Variants in TINAG observed in about 807,000 individuals in gnomAD.
The protein encoded by TINAG is tubulointerstitial nephritis antigen.
In TINAG, 83 loss-of-function variants were observed where a neutral mutation model predicts 72.7. That is an observed-to-expected ratio of 1.14 (90% CI 0.96 to 1.37). The LOEUF (loss-of-function observed/expected upper bound fraction) is 1.37, where lower values mean the gene tolerates loss of function less well. TINAG is among the 40% of genes most tolerant of loss of function. The probability of loss-of-function intolerance (pLI) is 0.00; values close to 1 mark genes in which losing one functional copy is unlikely to be tolerated. For synonymous variants in TINAG, 234 were observed against 189.9 expected (o/e 1.23, Z -1.91); for missense variants, 685 against 576.6 (o/e 1.19, Z -1.93).
At chr6:54,312,761 G>C (rs1784287299) in intron 1 of TINAG, among the ~76,000 whole-genome samples, 2 of 152,102 alleles carry the variant, frequency 1.3e-5, no homozygotes, top group African/African-American at 4.8e-5. Context: ...AGCTACTCTT[G>C]AAAAATTGAA....
At chr6:54,350,504 G>T (rs1186160590) in intron 7 of TINAG, among the ~76,000 whole-genome samples, 1 of 151,440 alleles carries the variant, frequency 6.6e-6, no homozygotes, top group Non-Finnish European at 1.5e-5. Context: ...ATACACTCAT[G>T]TCCTGCCAGC....
chr6:54,321,297 C>A lies in TINAG; in HGVS notation c.420C>A (p.Cys140Ter). The change falls in exon 3 of 11, where the codon TGC becomes TGA. Residue 140 changes from cysteine to a stop codon, truncating the protein, a stop_gained and splice_region_variant. Coordinates refer to ENST00000259782, the MANE Select transcript of TINAG (RefSeq NM_014464.4). LOFTEE classifies it high-confidence loss of function. ...TTTTGTAATTGTCATATCTTTGCAGCACATGCTCAGGACAGCAATGGAAAT... is the reference window on the plus strand; with the variant it reads ...TTTTGTAATTGTCATATCTTTGCAGAACATGCTCAGGACAGCAATGGAAAT... ...GSVIKENCNS[C>*]TCSGQQWKCS... The A allele has an allele frequency of 6.2e-7, 1 of 1,612,968 alleles. No individual in the cohort carries two copies. The highest frequency in any genetic ancestry group is 8.5e-7 in the Non-Finnish European group (1 of 1,179,268).
intron 4 of TINAG, among the ~76,000 whole-genome samples, chr6:54,331,092 C>T (rs1352916551): frequency 6.6e-6 from 1 of 152,154 alleles, no homozygotes; most frequent in Non-Finnish European, 1.5e-5. Flanking sequence ...AGTGACTCCT[C>T]CCTAACTCAT....
intron 9 of TINAG, among the ~76,000 whole-genome samples, chr6:54,365,181 T>C (rs1763370312): frequency 6.6e-6 from 1 of 151,548 alleles, no homozygotes; most frequent in Non-Finnish European, 1.5e-5. Flanking sequence ...ATTTAGCAAA[T>C]GCAAATAAAT....
chr6:54,386,089 C>T (rs1404758611), intron 10 of TINAG, among the ~76,000 whole-genome samples: 1 of 151,834 alleles, frequency 6.6e-6, no homozygotes, highest in Non-Finnish European at 1.5e-5. Flanking sequence ...ACGGGTTTCG[C>T]CATGTCGCCC....
At chr6:54,323,969 A>G (rs573103662) in intron 3 of TINAG, among the ~76,000 whole-genome samples, 4 of 152,212 alleles carry the variant, frequency 2.6e-5, no homozygotes, top group Admixed American at 6.5e-5. Flanking sequence ...AAACAAAAAA[A>G]CAAATAATTT....
At chr6:54,389,382 T>G (rs62412617) in intron 10 of TINAG, among the ~76,000 whole-genome samples, 9 of 152,186 alleles carry the variant, frequency 5.9e-5, no homozygotes, top group Non-Finnish European at 1.3e-4. Context: ...ACTTGCCTTA[T>G]GTTGGTCATT....
At chr6:54,344,806 G>T (rs16885246) in intron 5 of TINAG, among the ~76,000 whole-genome samples, 12,049 of 152,028 alleles carry the variant, frequency 0.079, 539 homozygotes, top group African/African-American at 0.086. Flanking sequence ...GATTCCAAAG[G>T]ACATAGTTTT....
chr6:54,385,818 G>A (rs1428232257), intron 10 of TINAG, among the ~76,000 whole-genome samples: 1 of 144,446 alleles, frequency 6.9e-6, no homozygotes, highest in African/African-American at 2.6e-5. Context: ...TTGGTTTCAA[G>A]TACTAAAATC....
intron 5 of TINAG, among the ~76,000 whole-genome samples, chr6:54,344,674 A>G (rs1352699098): frequency 6.6e-6 from 1 of 152,142 alleles, no homozygotes; most frequent in Non-Finnish European, 1.5e-5. Flanking sequence ...GCAACTTGCT[A>G]GGGTGGAGGA....
chr6:54,320,237 C>T (rs1190190386), intron 1 of TINAG, among the ~76,000 whole-genome samples: 1 of 151,858 alleles, frequency 6.6e-6, no homozygotes, highest in African/African-American at 2.4e-5. Flanking sequence ...ATGAGACATG[C>T]CATAAATCAA....
chr6:54,330,843 CT>C (rs1784722130), intron 4 of TINAG, among the ~76,000 whole-genome samples: 5 of 152,088 alleles, frequency 3.3e-5, no homozygotes, highest in Admixed American at 3.3e-4. Context: ...TGCAAATAAA[CT>C]AGAAAATCTA....
At chr6:54,347,624 A>T in intron 6 of TINAG, 107 bp downstream of exon 6, 2 of 1,095,788 alleles carry the variant, frequency 1.8e-6, no homozygotes, top group Non-Finnish European at 2.6e-6. Flanking sequence ...TTAAAAATAT[A>T]TATACTACAT....
intron 9 of TINAG, among the ~76,000 whole-genome samples, chr6:54,372,906 A>G (rs1015592187): frequency 5.9e-5 from 9 of 151,928 alleles, no homozygotes; most frequent in Non-Finnish European, 1.3e-4. Flanking sequence ...GATTACTTCA[A>G]TAAGACCAAA....
At chr6:54,386,760 C>G (rs1764110607) in intron 10 of TINAG, among the ~76,000 whole-genome samples, 1 of 150,702 alleles carries the variant, frequency 6.6e-6, no homozygotes, top group East Asian at 1.9e-4. Flanking sequence ...TCACTAAATA[C>G]AGACAAAAAC....
chr6:54,326,338 T>G (rs952691423), intron 3 of TINAG, among the ~76,000 whole-genome samples: 1 of 151,944 alleles, frequency 6.6e-6, no homozygotes, highest in African/African-American at 2.4e-5. Flanking sequence ...TCTGATGTCA[T>G]TTTTAAAAAT....
At chr6:54,366,129 G>A (rs899828094) in intron 9 of TINAG, among the ~76,000 whole-genome samples, 3 of 151,610 alleles carry the variant, frequency 2.0e-5, no homozygotes, top group East Asian at 3.9e-4. Flanking sequence ...TCCTCATGAG[G>A]TGGGAATTAT....
rs767247771 is a variant in TINAG, at chr6:54,349,810, C to A, written c.994C>A (p.Arg332=). The A allele has an allele frequency of 2.2e-5, 36 of 1,610,452 alleles. No homozygotes were observed. Among genetic ancestry groups the A allele is most frequent in the Non-Finnish European group, 3.1e-5 (36 of 1,177,880 alleles). Residue 332 remains arginine (R), a synonymous_variant, in exon 7 of 11, where the codon CGG becomes AGG. Coordinates refer to ENST00000259782, the MANE Select transcript of TINAG (RefSeq NM_014464.4). ...AAGCAGGTCTGATGGGCGAGGAAAACGGCATGCCACGAAGCCATGTCCCAA... is the reference window on the plus strand; with the variant it reads ...AAGCAGGTCTGATGGGCGAGGAAAAAGGCATGCCACGAAGCCATGTCCCAA... ...MASRSDGRGK[R]HATKPCPNNV... is the part of the protein sequence containing the mutation.
intron 9 of TINAG, among the ~76,000 whole-genome samples, chr6:54,367,549 T>C (rs547386758): frequency 6.6e-6 from 1 of 151,852 alleles, no homozygotes; most frequent in Admixed American, 6.6e-5. Flanking sequence ...TACCTGAGCA[T>C]GTGCAGGTGC....
Sources: gnomAD v4.1 joint callset for allele counts (sites outside exome capture counted in the v4.1 genomes callset) on GRCh38, gnomAD v4.1.1 for gene constraint, MANE v1.5 for transcripts, NCBI Gene and HGNC (gene_info 2026-07-23, HGNC 2026-07-21) for gene names.